Variants in ACTR3C observed in about 807,000 individuals in gnomAD.
ACTR3C encodes actin-related protein 3C.
Under a neutral mutation model 26.3 loss-of-function variants are expected in ACTR3C, and 18 were observed. That is an observed-to-expected ratio of 0.68 (90% CI 0.47 to 1.01). The LOEUF (loss-of-function observed/expected upper bound fraction) is 1.01, where lower values mean the gene tolerates loss of function less well. Ranked by LOEUF, ACTR3C falls within the 50% of genes least tolerant of loss-of-function variation. ACTR3C has a pLI of 0.00. For missense variants in ACTR3C, 184 were observed against 250.7 expected, an observed-to-expected ratio of 0.73 and a Z score of 1.80; for synonymous variants, 55 against 94.5, an observed-to-expected ratio of 0.58 and a Z score of 2.42.
intron 1 of ACTR3C, among the ~76,000 whole-genome samples, chr7:150,312,987 T>G (rs1796459786): frequency 6.6e-6 from 1 of 152,174 alleles, no homozygotes; most frequent in African/African-American, 2.4e-5. Flanking sequence ...ATTCCACCAT[T>G]ATGACTTGTC....
At chr7:150,009,554 C>A in the ACTR3C span, among the ~76,000 whole-genome samples, 2 of 152,290 alleles carry the variant, frequency 1.3e-5, no homozygotes, top group Admixed American at 6.5e-5. Flanking sequence ...CTGTGAGTTT[C>A]TTTGAGTACC....
chr7:149,887,468 C>T, the ACTR3C span, among the ~76,000 whole-genome samples: 872 of 152,344 alleles, frequency 5.7e-3, 11 homozygotes, highest in African/African-American at 0.02. Context: ...TTGGTGCTCC[C>T]ATACACGCCA....
chr7:150,091,987 C>CAAAAAAAAAAAAAAAAA, the ACTR3C span, among the ~76,000 whole-genome samples: 1 of 19,416 alleles, frequency 5.2e-5, no homozygotes, highest in African/African-American at 1.4e-4. Context: ...GACTCCGTCT[C>CAAAAAAAAAAAAAAAAA]AAAAAAAAAA....
chr7:150,037,528 T>C, the ACTR3C span, among the ~76,000 whole-genome samples: 527 of 24,658 alleles, frequency 0.021, 32 homozygotes, highest in African/African-American at 0.034. Context: ...AGTCCCCACC[T>C]TCGCGGGGGG....
At chr7:150,304,925 C>T (rs903932275) in intron 1 of ACTR3C, among the ~76,000 whole-genome samples, 2 of 152,268 alleles carry the variant, frequency 1.3e-5, no homozygotes, top group Non-Finnish European at 2.9e-5. Context: ...AATGTCTGCC[C>T]GGGCTCCTTA....
the ACTR3C span, among the ~76,000 whole-genome samples, chr7:150,193,870 A>C: frequency 6.6e-6 from 1 of 151,840 alleles, no homozygotes; most frequent in Non-Finnish European, 1.5e-5. Context: ...ATGTTCTTGC[A>C]TACTAACTTA....
chr7:150,023,115 A>G, the ACTR3C span, among the ~76,000 whole-genome samples: 2 of 149,810 alleles, frequency 1.3e-5, no homozygotes, highest in African/African-American at 4.9e-5. Context: ...CTCTCTCTAT[A>G]TATCTACATA....
chr7:150,222,058 GATTT>G, the ACTR3C span, among the ~76,000 whole-genome samples: 1 of 149,590 alleles, frequency 6.7e-6, no homozygotes, highest in African/African-American at 2.5e-5. Context: ...GTAAAAGGGA[GATTT>G]ATTTTAGTTC....
At chr7:150,258,080 C>A (rs530551310) in intron 6 of ACTR3C, among the ~76,000 whole-genome samples, 161 of 152,258 alleles carry the variant, frequency 1.1e-3, no homozygotes, top group African/African-American at 3.7e-3. Context: ...AATGAATAGG[C>A]AGCCAAGAAG....
At chr7:150,163,494 T>A in the ACTR3C span, among the ~76,000 whole-genome samples, 1 of 151,602 alleles carries the variant, frequency 6.6e-6, no homozygotes, top group Non-Finnish European at 1.5e-5. Flanking sequence ...ATATATAATT[T>A]ATATAAAAGG....
chr7:150,141,258 C>T, the ACTR3C span, among the ~76,000 whole-genome samples: 1 of 152,198 alleles, frequency 6.6e-6, no homozygotes, highest in Non-Finnish European at 1.5e-5. Context: ...CAGGTAATGT[C>T]TCCTTTATCA....
At chr7:150,251,340 T>C (rs1200216525) in intron 6 of ACTR3C, among the ~76,000 whole-genome samples, 1 of 152,206 alleles carries the variant, frequency 6.6e-6, no homozygotes, top group East Asian at 1.9e-4. Flanking sequence ...TCTTTAAAAC[T>C]AAAATTAACT....
the ACTR3C span, among the ~76,000 whole-genome samples, chr7:150,199,434 C>A: frequency 9.8e-6 from 1 of 102,498 alleles, no homozygotes; most frequent in Non-Finnish European, 1.9e-5. Context: ...CATCACCAAT[C>A]CCTAATCTCA....
chr7:150,114,328 G>A, the ACTR3C span, among the ~76,000 whole-genome samples: 1 of 151,990 alleles, frequency 6.6e-6, no homozygotes, highest in Non-Finnish European at 1.5e-5. Flanking sequence ...ATTTCTATTT[G>A]CCTAGTCTTT....
the ACTR3C span, among the ~76,000 whole-genome samples, chr7:149,942,005 A>G: frequency 6.6e-6 from 1 of 152,270 alleles, no homozygotes; most frequent in East Asian, 1.9e-4. Context: ...ATTGTCCCCA[A>G]AATGGCATCT....
chr7:149,967,204 T>G, the ACTR3C span, among the ~76,000 whole-genome samples: 7 of 151,884 alleles, frequency 4.6e-5, no homozygotes, highest in African/African-American at 1.4e-4. Flanking sequence ...CCGGCTAATT[T>G]TTTTGTCTTT....
chr7:149,991,936 C>T, the ACTR3C span, among the ~76,000 whole-genome samples: 1 of 148,482 alleles, frequency 6.7e-6, no homozygotes, highest in African/African-American at 2.5e-5. Context: ...TGTAAGCACA[C>T]ACACAGAGGT....
chr7:150,178,146 G>A, the ACTR3C span, among the ~76,000 whole-genome samples: 1 of 150,518 alleles, frequency 6.6e-6, no homozygotes, highest in Admixed American at 6.6e-5. Flanking sequence ...AAGAGCATTA[G>A]TGATACAGCA....
At chr7:150,259,059 C>T (rs1833438189) in intron 6 of ACTR3C, among the ~76,000 whole-genome samples, 2 of 151,512 alleles carry the variant, frequency 1.3e-5, no homozygotes, top group African/African-American at 4.8e-5. Context: ...TTACATTTTG[C>T]CTCAGGGTCA....
Sources: allele counts gnomAD v4.1 joint callset (sites outside exome capture counted in the v4.1 genomes callset), GRCh38; gene constraint gnomAD v4.1.1; transcripts MANE v1.5; gene names NCBI Gene and HGNC (gene_info 2026-07-23, HGNC 2026-07-21).